Variants in MTERF4 observed in about 807,000 individuals in gnomAD.
The protein encoded by MTERF4 is transcription termination factor 4, mitochondrial.
Under a neutral mutation model 22.5 loss-of-function variants are expected in MTERF4, and 17 were observed. That is an observed-to-expected ratio of 0.75 (90% CI 0.52 to 1.13). The LOEUF is 1.13. Ranked by LOEUF, MTERF4 falls within the 50% of genes most tolerant of loss-of-function variation. The pLI, the probability that MTERF4 is intolerant of heterozygous loss-of-function variation, is 0.00. For missense variants in MTERF4, 420 were observed against 466.8 expected (o/e 0.90, Z 0.92); for synonymous variants, 165 against 175.3 (o/e 0.94, Z 0.47).
At chr2:241,078,382 CAA>C (rs60965517) in intron 4 of MTERF4, among the ~76,000 whole-genome samples, 198 of 116,148 alleles carry the variant, frequency 1.7e-3, no homozygotes, top group South Asian at 4.6e-3. Flanking sequence ...GACTCCGTCT[CAA>C]AAAAAAAAAA....
chr2:241,097,460 T>C (rs1490968683), intron 2 of MTERF4, 33 bp from the exon 3 acceptor site: 1 of 1,592,114 alleles, frequency 6.3e-7, no homozygotes, highest in East Asian at 2.2e-5. Context: ...AAGCATATAA[T>C]TTCAGGATAC....
At chr2:241,055,045 A>G in the MTERF4 span, among the ~76,000 whole-genome samples, 1 of 152,046 alleles carries the variant, frequency 6.6e-6, no homozygotes, top group Admixed American at 6.6e-5. Flanking sequence ...TGAGCCTGGG[A>G]GGCGGAGGTT....
chr2:241,064,438 G>A, the MTERF4 span, among the ~76,000 whole-genome samples: 1 of 152,182 alleles, frequency 6.6e-6, no homozygotes, highest in Non-Finnish European at 1.5e-5. This position sits in a 1 kb window ranked among gnomAD's most constrained non-coding sequence, Gnocchi z 7.0. Context: ...GACAGGCCAA[G>A]TTTCTTGCAC....
chr2:241,066,472 G>A, the MTERF4 span, among the ~76,000 whole-genome samples: 1 of 152,216 alleles, frequency 6.6e-6, no homozygotes, highest in Non-Finnish European at 1.5e-5. Context: ...AGGCTGGGCA[G>A]GAACCAAGTG....
downstream of MTERF4, chr2:241,068,944 G>T: frequency 6.4e-7 from 1 of 1,555,408 alleles, no homozygotes. The surrounding 1 kb of genome is among the most constrained non-coding windows in gnomAD (Gnocchi z 5.3). Context: ...ACACCATCCA[G>T]CTGACCACCC....
chr2:241,046,927 G>A, the MTERF4 span, among the ~76,000 whole-genome samples: 1 of 152,118 alleles, frequency 6.6e-6, no homozygotes, highest in Non-Finnish European at 1.5e-5. Flanking sequence ...GGCGGATCAC[G>A]AGGTCAGGAG....
At chr2:241,063,574 C>A in the MTERF4 span, 1 of 1,579,928 alleles carries the variant, frequency 6.3e-7, no homozygotes, top group Admixed American at 1.8e-5. Context: ...CTTGACACCC[C>A]TTCTCTGTGC....
the MTERF4 span, chr2:241,065,716 ACAG>A: frequency 3.4e-6 from 3 of 872,534 alleles, no homozygotes; most frequent in Non-Finnish European, 5.3e-6. Flanking sequence ...CAGCAGCAAG[ACAG>A]ACAGCTGAGC....
the MTERF4 span, chr2:241,048,264 C>T: frequency 6.0e-4 from 918 of 1,529,366 alleles, 11 homozygotes; most frequent in East Asian, 0.017. Context: ...GGGGAGACCA[C>T]TCTCCCCACA....
At chr2:241,056,876 G>A in the MTERF4 span, among the ~76,000 whole-genome samples, 8 of 152,050 alleles carry the variant, frequency 5.3e-5, no homozygotes, top group East Asian at 1.9e-4. Context: ...CCACTGCGCC[G>A]GGCCAAATAA....
chr2:241,077,739 A>G (rs2063097531), intron 4 of MTERF4, among the ~76,000 whole-genome samples: 1 of 152,210 alleles, frequency 6.6e-6, no homozygotes, highest in African/African-American at 2.4e-5. Flanking sequence ...CAGTAATCAC[A>G]CCGAAAAGAT....
downstream of MTERF4, chr2:241,067,621 T>A: frequency 1.6e-6 from 1 of 627,380 alleles, no homozygotes; most frequent in Non-Finnish European, 2.7e-6. Context: ...CAGCCCGAGT[T>A]CCCTGAGCAG....
chr2:241,056,598 T>TTTTTTTTA, the MTERF4 span, among the ~76,000 whole-genome samples: 1 of 149,770 alleles, frequency 6.7e-6, no homozygotes, highest in East Asian at 2.0e-4. Flanking sequence ...TTTTTTTTTT[T>TTTTTTTTA]GAGACGGAGT....
chr2:241,088,536 T>G (rs1314341411), downstream of MTERF4: 7 of 736,552 alleles, frequency 9.5e-6, no homozygotes, highest in Non-Finnish European at 1.7e-5. Flanking sequence ...CCTGTGCTGC[T>G]GTGTTACAGA....
the MTERF4 span, chr2:241,063,046 C>A: frequency 3.3e-6 from 2 of 606,028 alleles, no homozygotes; most frequent in East Asian, 2.8e-5. Flanking sequence ...CCAGCTCTGA[C>A]ATCCAAGACA....
the MTERF4 span, among the ~76,000 whole-genome samples, chr2:241,046,314 A>G: frequency 6.6e-6 from 1 of 152,354 alleles, no homozygotes; most frequent in South Asian, 2.1e-4. Flanking sequence ...TATTAACTCT[A>G]AAGAGATGAA....
chr2:241,087,317 C>T (rs2125330738), downstream of MTERF4: 1 of 1,402,674 alleles, frequency 7.1e-7, no homozygotes, highest in Non-Finnish European at 9.6e-7. Flanking sequence ...ACTGTGGGTT[C>T]ACATAGCCTA....
At chr2:241,070,272 C>G (rs2062642757), downstream of MTERF4, 1 of 1,471,730 alleles carries the variant, frequency 6.8e-7, no homozygotes, top group Non-Finnish European at 9.1e-7. Flanking sequence ...CAGGACTGAC[C>G]TGGCCCTGCA....
chr2:241,063,105 G>T, the MTERF4 span, among the ~76,000 whole-genome samples: 3 of 152,236 alleles, frequency 2.0e-5, no homozygotes, highest in African/African-American at 7.2e-5. Context: ...GAGACTGAGA[G>T]CCCAGCTGAG....
Sources: allele counts gnomAD v4.1 joint callset (sites outside exome capture counted in the v4.1 genomes callset), GRCh38; gene constraint gnomAD v4.1.1; non-coding constraint Gnocchi (gnomAD v3.1); transcripts MANE v1.5; gene names NCBI Gene and HGNC (gene_info 2026-07-23, HGNC 2026-07-21).